SOX13: variants seen among roughly 807,000 people sequenced by gnomAD.
The protein encoded by SOX13 is SRY-box transcription factor 13.
SOX13 carries 28 observed loss-of-function variants against 71.8 expected under a neutral mutation model. The observed-to-expected ratio is 0.39, with a 90% confidence interval of 0.29 to 0.53. SOX13 has a LOEUF of 0.53. Ranked by LOEUF, SOX13 falls within the 20% of genes least tolerant of loss-of-function variation. The probability of loss-of-function intolerance (pLI) is 0.70; values close to 1 mark genes in which losing one functional copy is unlikely to be tolerated. For synonymous variants in SOX13, 309 were observed against 317.8 expected (o/e 0.97, Z 0.29); for missense variants, 627 against 810.3 (o/e 0.77, Z 2.75).
chr1:204,085,469 G>A (rs922739175), intron 1 of SOX13, among the ~76,000 whole-genome samples: 1 of 152,130 alleles, frequency 6.6e-6, no homozygotes, highest in East Asian at 1.9e-4. Context: ...AGAGTCTGGC[G>A]GGTACAGAGG....
In SOX13 at chr1:204,073,263, C is replaced by G. The variant is rs1257712895; in HGVS notation, c.-450C>G. The G allele has an allele frequency of 2.0e-5, 3 of 152,310 alleles. No homozygotes were observed. The highest frequency in any genetic ancestry group is 4.4e-5 in the Non-Finnish European group (3 of 68,138). 9.4% of individuals were successfully genotyped at this position (152,310 alleles called of 1,614,324 possible). ...CAGCGGTCAGCCTCGTAGGCCCTGA[C>G]TCGGAATCGAGCCGAGGCGCTGAGG... is the stretch of plus-strand genomic sequence containing the variant. On this transcript the variant is annotated 5_prime_UTR_variant, in exon 1 of 14. Transcript: ENST00000367204. The surrounding 1 kb of genome is among the most constrained non-coding windows in gnomAD (Gnocchi z 6.8).
chr1:204,120,692 G>A (rs531875368), intron 7 of SOX13, among the ~76,000 whole-genome samples: 3 of 152,186 alleles, frequency 2.0e-5, no homozygotes, highest in Non-Finnish European at 2.9e-5. Flanking sequence ...CTCCCACAGG[G>A]AGCCTGCTCT....
chr1:204,123,825 C>A lies in SOX13; in HGVS notation c.1375+21C>A. 2 of 1,613,480 alleles carry A rather than the reference C, an allele frequency of 1.2e-6. No homozygotes were observed. The highest frequency in any genetic ancestry group is 8.5e-7 in the Non-Finnish European group (1 of 1,179,614). ...CCTTGGTAAGGGCCAGTGGCTGGGG[C>A]CATGGTTCAGTGTGACCTGGTTGCA... On this transcript the variant is annotated intron_variant, in intron 12 of 13. Coordinates refer to ENST00000367204, the MANE Select transcript of SOX13 (RefSeq NM_005686.3). This position sits in a 1 kb window ranked among gnomAD's most constrained non-coding sequence, Gnocchi z 5.0.
At chr1:204,116,758 C>T in intron 5 of SOX13, 79 bp downstream of exon 5, 1 of 1,564,780 alleles carries the variant, frequency 6.4e-7, no homozygotes, top group South Asian at 1.2e-5. Flanking sequence ...GCCTTAGGGA[C>T]AGGCCTCACC....
chr1:204,090,852 C>T (rs142080445), intron 1 of SOX13, among the ~76,000 whole-genome samples: 1 of 152,300 alleles, frequency 6.6e-6, no homozygotes, highest in Non-Finnish European at 1.5e-5. Flanking sequence ...CACCTTTGCA[C>T]CAGGTGCTGT....
intron 1 of SOX13, among the ~76,000 whole-genome samples, chr1:204,083,709 G>C (rs1655957040): frequency 6.6e-6 from 1 of 152,188 alleles, no homozygotes; most frequent in Non-Finnish European, 1.5e-5. Context: ...GCCTTCTCTG[G>C]TCCTCCGTCC....
intron 1 of SOX13, among the ~76,000 whole-genome samples, chr1:204,089,541 C>A (rs900181868): frequency 3.3e-5 from 5 of 152,276 alleles, no homozygotes; most frequent in Admixed American, 1.3e-4. Flanking sequence ...TGTGAGGGGA[C>A]CCCGGAAGAG....
chr1:204,094,378 TC>T (rs1374221271), intron 1 of SOX13, among the ~76,000 whole-genome samples: 2 of 152,178 alleles, frequency 1.3e-5, no homozygotes, highest in Non-Finnish European at 2.9e-5. Flanking sequence ...TACAGGTAGA[TC>T]TGTGAAGGTG....
chr1:204,123,888 A>G lies in SOX13; in HGVS notation c.1375+84A>G. 1 of 1,484,916 alleles carries G rather than the reference A, an allele frequency of 6.7e-7. No homozygotes were observed. The highest frequency in any genetic ancestry group is 9.3e-7 in the Non-Finnish European group (1 of 1,077,890). 92.0% of individuals were successfully genotyped at this position (1,484,916 alleles called of 1,614,324 possible). ...GTCTATTCAGGGCTTGCTTGGTGAT[A>G]TTCCATACTGTGTTGGACTCCAGTG... On this transcript the variant is annotated intron_variant, in intron 12 of 13. Transcript: ENST00000367204. This position sits in a 1 kb window ranked among gnomAD's most constrained non-coding sequence, Gnocchi z 5.0.
chr1:204,079,430 C>T lies in SOX13; in HGVS notation c.-2+5719C>T, dbSNP rs561866059. Among the ~76,000 whole-genome samples the T allele has an allele frequency of 3.4e-5, 5 of 148,924 alleles. No homozygotes were observed. In the East Asian group the frequency reaches 1.0e-3, roughly 30 times the overall value. On this transcript the variant is annotated intron_variant, in intron 1 of 13. Transcript: ENST00000367204. ...GTGCAATCTTGGCTCACTGCAACCT[C>T]CGCCTTCTGGATTCAAACAATTCTC...
intron 1 of SOX13, among the ~76,000 whole-genome samples, chr1:204,075,679 T>C (rs781077038): frequency 1.3e-5 from 2 of 152,166 alleles, no homozygotes; most frequent in Non-Finnish European, 2.9e-5. Flanking sequence ...GAGCTGGAGT[T>C]AGATCCCGGA....
chr1:204,122,724 A>G (rs1571595439), intron 9 of SOX13, 130 bp from the exon 10 acceptor site: 6 of 638,878 alleles, frequency 9.4e-6, no homozygotes, highest in East Asian at 8.3e-5. Context: ...GTGGAAGAAC[A>G]GGAGGGAACA....
chr1:204,091,202 A>G (rs1656136267), intron 1 of SOX13, among the ~76,000 whole-genome samples: 1 of 152,128 alleles, frequency 6.6e-6, no homozygotes, highest in African/African-American at 2.4e-5. Context: ...TGCCAGGGCT[A>G]GTGGGTTCCC....
chr1:204,091,737 T>C (rs1179707013), intron 1 of SOX13, among the ~76,000 whole-genome samples: 1 of 75,180 alleles, frequency 1.3e-5, no homozygotes, highest in Non-Finnish European at 3.5e-5. Flanking sequence ...CGTGTGCGTG[T>C]GTGTGTGTGT....
intron 1 of SOX13, among the ~76,000 whole-genome samples, chr1:204,091,777 C>G (rs1002579542): frequency 1.3e-5 from 2 of 151,892 alleles, no homozygotes; most frequent in Non-Finnish European, 2.9e-5. Context: ...AGATGGGGGT[C>G]TCACTATATT....
chr1:204,083,728 G>C (rs1445089616), intron 1 of SOX13, among the ~76,000 whole-genome samples: 1 of 152,224 alleles, frequency 6.6e-6, no homozygotes, highest in Admixed American at 6.5e-5. Context: ...CCCTGAGGCA[G>C]GTATGTAGGG....
At chr1:204,112,501 G>GCACACACACACACA (rs6143576) in intron 1 of SOX13, among the ~76,000 whole-genome samples, 8 of 57,922 alleles carry the variant, frequency 1.4e-4, no homozygotes, top group Middle Eastern at 9.1e-3. Flanking sequence ...ACACATGCGT[G>GCACACACACACACA]CACACACACA....
chr1:204,120,574 GC>G (rs1656782672), intron 7 of SOX13, among the ~76,000 whole-genome samples: 1 of 152,136 alleles, frequency 6.6e-6, no homozygotes, highest in Non-Finnish European at 1.5e-5. Flanking sequence ...GGCCAACCTG[GC>G]CCCCATGGCC....
intron 4 of SOX13, among the ~76,000 whole-genome samples, chr1:204,115,442 C>T (rs1158251942): frequency 7.7e-6 from 1 of 129,036 alleles, no homozygotes; most frequent in Non-Finnish European, 1.6e-5. Context: ...GGCCTCTATA[C>T]TTCTCAAAGG....
Sources: allele counts gnomAD v4.1 joint callset (sites outside exome capture counted in the v4.1 genomes callset), GRCh38; gene constraint gnomAD v4.1.1; non-coding constraint Gnocchi (gnomAD v3.1); transcripts MANE v1.5; gene names NCBI Gene and HGNC (gene_info 2026-07-23, HGNC 2026-07-21).